The following TIMP2 variants were observed in gnomAD, a reference collection of about 807,000 sequenced individuals.
The protein encoded by TIMP2 is TIMP metallopeptidase inhibitor 2.
Under a neutral mutation model 24.3 loss-of-function variants are expected in TIMP2, and 5 were observed. The observed-to-expected ratio is 0.21, with a 90% CI of 0.11 to 0.43. The LOEUF (loss-of-function observed/expected upper bound fraction) is 0.43, where lower values mean the gene tolerates loss of function less well. Ranked by LOEUF, TIMP2 falls within the 20% of genes least tolerant of loss-of-function variation. The probability of loss-of-function intolerance (pLI) is 1.00; values close to 1 mark genes in which losing one functional copy is unlikely to be tolerated. For missense variants in TIMP2, 221 were observed against 297.5 expected, an observed-to-expected ratio of 0.74 and a Z score of 1.89; for synonymous variants, 130 against 123.2, an observed-to-expected ratio of 1.06 and a Z score of -0.37.
At chr17:78,889,908 A>C (rs2069863487) in intron 1 of TIMP2, among the ~76,000 whole-genome samples, 1 of 152,226 alleles carries the variant, frequency 6.6e-6, no homozygotes, top group African/African-American at 2.4e-5. Context: ...TCACGAGATC[A>C]GGAGTTCAAG....
At chr17:78,901,846 T>C in intron 1 of TIMP2, 1 of 706,968 alleles carries the variant, frequency 1.4e-6, no homozygotes, top group Non-Finnish European at 2.6e-6. Flanking sequence ...AGGCAGAAGC[T>C]GACAGGAGGG....
chr17:78,918,097 CACAA>C (rs1015318899), intron 1 of TIMP2, among the ~76,000 whole-genome samples: 4 of 151,322 alleles, frequency 2.6e-5, no homozygotes, highest in African/African-American at 9.8e-5. Context: ...CACACACACA[CACAA>C]CTTCACTTAC....
chr17:78,860,362 C>T (rs1243408426), intron 3 of TIMP2, among the ~76,000 whole-genome samples: 3 of 152,180 alleles, frequency 2.0e-5, no homozygotes, highest in Non-Finnish European at 4.4e-5. Flanking sequence ...AAAGTTTCAG[C>T]GCATCTGACT....
chr17:78,885,605 C>A (rs1256461068), intron 1 of TIMP2, among the ~76,000 whole-genome samples: 2 of 152,192 alleles, frequency 1.3e-5, no homozygotes, highest in African/African-American at 4.8e-5. Flanking sequence ...GCTCGCAAGG[C>A]AGGGGGCAGG....
At chr17:78,867,716 C>T (rs2069630376) in intron 3 of TIMP2, among the ~76,000 whole-genome samples, 1 of 151,854 alleles carries the variant, frequency 6.6e-6, no homozygotes, top group African/African-American at 2.4e-5. Context: ...CTGCCTCAGC[C>T]TCTTGAGTAG....
At chr17:78,923,888 G>A (rs980305097) in intron 1 of TIMP2, among the ~76,000 whole-genome samples, 3 of 152,176 alleles carry the variant, frequency 2.0e-5, no homozygotes, top group Non-Finnish European at 2.9e-5. Flanking sequence ...CCTCCACTCT[G>A]GGCAGGTGAG....
intron 1 of TIMP2, chr17:78,890,764 G>T: frequency 6.4e-7 from 1 of 1,550,616 alleles, no homozygotes; most frequent in Non-Finnish European, 8.7e-7. Flanking sequence ...GGTCGTCGTC[G>T]GCGAGGCTGG....
In TIMP2 at chr17:78,896,417, G is replaced by A. The variant is rs1196750174; in HGVS notation, c.131-22498C>T. Among the ~76,000 whole-genome samples, 3 of 152,160 alleles carry A rather than the reference G, an allele frequency of 2.0e-5. No homozygotes were observed. Among genetic ancestry groups the A allele is most frequent in the African/African-American group, 7.2e-5 (3 of 41,434 alleles). On this transcript the variant is annotated intron_variant, in intron 1 of 4. Coordinates refer to ENST00000262768, the MANE Select transcript of TIMP2 (RefSeq NM_003255.5). This position sits in a 1 kb window ranked among gnomAD's most constrained non-coding sequence, Gnocchi z 4.4. The stretch of plus-strand genomic sequence containing the variant: ...GCCAGACAGGACGTCGGGTGCCCTT[G>A]GCAGGACACTTGCCAATGAAGACAG...
intron 1 of TIMP2, among the ~76,000 whole-genome samples, chr17:78,916,154 C>T (rs757429697): frequency 1.3e-5 from 2 of 152,120 alleles, no homozygotes; most frequent in Non-Finnish European, 2.9e-5. Context: ...CCACTAGCTC[C>T]GAGAGCTTCC....
intron 1 of TIMP2, among the ~76,000 whole-genome samples, chr17:78,911,980 C>T (rs371444141): frequency 6.6e-6 from 1 of 150,540 alleles, no homozygotes. Flanking sequence ...AGGAGAATTG[C>T]TTGAAGCCGG....
intron 1 of TIMP2, among the ~76,000 whole-genome samples, chr17:78,909,691 G>C (rs893205565): frequency 6.6e-6 from 1 of 152,130 alleles, no homozygotes; most frequent in Non-Finnish European, 1.5e-5. Flanking sequence ...TAAGGCTCGG[G>C]TCTCATCGGG....
intron 2 of TIMP2, 100 bp downstream of exon 2, chr17:78,873,719 G>C (rs1009675456): frequency 2.1e-4 from 186 of 891,384 alleles, no homozygotes; most frequent in Admixed American, 3.0e-4. Context: ...CTAGTCCACA[G>C]GTGGCCAGAT....
At position 78,891,355 on chromosome 17, in the gene TIMP2, T is replaced by C; in HGVS notation, c.131-17436A>G. ...CTCTTGGGGTCCCAGCGCCACACTC[T>C]TGCATCTCTGAGAAGGCATGCCCTT... On this transcript the variant is annotated intron_variant, in intron 1 of 4. Transcript: ENST00000262768. This position sits in a 1 kb window ranked among gnomAD's most constrained non-coding sequence, Gnocchi z 4.5. 1 of 1,550,556 alleles carries C rather than the reference T, an allele frequency of 6.4e-7. No individual in the cohort carries two copies. Among genetic ancestry groups the C allele is most frequent in the South Asian group, 1.2e-5 (1 of 84,066 alleles).
chr17:78,908,638 C>A (rs2070181536), intron 1 of TIMP2, among the ~76,000 whole-genome samples: 1 of 152,224 alleles, frequency 6.6e-6, no homozygotes, highest in Non-Finnish European at 1.5e-5. Flanking sequence ...ACCTGCCTCA[C>A]CTCCCCCGCA....
At chr17:78,888,382 A>G (rs899878795) in intron 1 of TIMP2, among the ~76,000 whole-genome samples, 1 of 151,750 alleles carries the variant, frequency 6.6e-6, no homozygotes, top group African/African-American at 2.4e-5. Flanking sequence ...CTGTTCTCAA[A>G]CTCCTGACCT....
chr17:78,903,172 G>C (rs2070122408), intron 1 of TIMP2: 1 of 152,562 alleles, frequency 6.6e-6, no homozygotes, highest in South Asian at 2.1e-4. Context: ...TCCACCTGCA[G>C]CCCGGCCTCT....
intron 1 of TIMP2, among the ~76,000 whole-genome samples, chr17:78,914,245 G>A (rs958126500): frequency 2.0e-5 from 3 of 146,380 alleles, no homozygotes; most frequent in Non-Finnish European, 3.0e-5. Flanking sequence ...ATCTGCCTTC[G>A]AAATTTTGGC....
chr17:78,876,362 T>C (rs2069728229), intron 1 of TIMP2, among the ~76,000 whole-genome samples: 1 of 152,098 alleles, frequency 6.6e-6, no homozygotes, highest in African/African-American at 2.4e-5. Context: ...TTCTTTCTTT[T>C]TTTTTTAGAC....
In TIMP2 at chr17:78,891,019, T is replaced by A; in HGVS notation, c.131-17100A>T. 6.4e-7 allele frequency: 1 copy of A among 1,551,204 alleles called. No homozygotes were observed. Among genetic ancestry groups the A allele is most frequent in the Non-Finnish European group, 8.7e-7 (1 of 1,147,136 alleles). The stretch of plus-strand genomic sequence containing the variant: ...TTTGCCTGGATGCCGTCGAGCCCAC[T>A]CTGTCTGCCTGGTCTTGAAGGTGGA... On this transcript the variant is annotated intron_variant, in intron 1 of 4. Transcript: ENST00000262768. The surrounding 1 kb of genome is among the most constrained non-coding windows in gnomAD (Gnocchi z 4.5).
Sources: gnomAD v4.1 joint callset for allele counts (sites outside exome capture counted in the v4.1 genomes callset) on GRCh38, gnomAD v4.1.1 for gene constraint, Gnocchi (gnomAD v3.1) non-coding constraint, MANE v1.5 for transcripts, NCBI Gene and HGNC (gene_info 2026-07-23, HGNC 2026-07-21) for gene names.